The following QKI variants were observed in gnomAD, a reference collection of about 807,000 sequenced individuals.
The protein encoded by QKI is QKI, KH domain containing RNA binding, also known as KH domain-containing RNA-binding protein QKI.
QKI carries 10 observed loss-of-function variants against 39.0 expected under a neutral mutation model. That is an observed-to-expected ratio of 0.26 (90% CI 0.16 to 0.43). QKI has a LOEUF of 0.43. Ranked by LOEUF, QKI falls within the 20% of genes least tolerant of loss-of-function variation. QKI has a pLI of 1.00. For missense variants in QKI, 218 were observed against 428.0 expected (o/e 0.51, Z 4.33); for synonymous variants, 204 against 155.4 (o/e 1.31, Z -2.33).
At chr6:163,533,451 ACAT>A (rs2128240867) in intron 3 of QKI, among the ~76,000 whole-genome samples, 1 of 152,342 alleles carries the variant, frequency 6.6e-6, no homozygotes, top group African/African-American at 2.4e-5. Context: ...GTAAATAACC[ACAT>A]TTTTACTAAT....
Position 163,414,904 on chromosome 6 carries a change from G to GACCCGCCTCCC in QKI, c.-289_-279dup, listed in dbSNP as rs1239495072. On this transcript the variant is annotated 5_prime_UTR_variant, in exon 1 of 8. Coordinates refer to ENST00000361752, the MANE Select transcript of QKI (RefSeq NM_006775.3). ...CCCGCGCCCGCACTCGGCCAGCCGA[G>GACCCGCCTCCC]ACCCGCCTCCCGCCCGCCCGCCGGC... 6.8e-6 allele frequency: 1 copy of GACCCGCCTCCC among 147,028 alleles called. No homozygotes were observed. The highest frequency in any genetic ancestry group is 2.5e-5 in the African/African-American group (1 of 40,734). The allele number at this position is 147,028 out of a possible 1,614,324, so 9.1% of individuals were successfully genotyped here.
chr6:163,422,745 G>A (rs971419907), intron 1 of QKI, among the ~76,000 whole-genome samples: 4 of 152,204 alleles, frequency 2.6e-5, no homozygotes, highest in African/African-American at 7.2e-5. Flanking sequence ...GGCTGGTTAA[G>A]TTCCAGCTGA....
chr6:163,463,314 A>C (rs1190864763), intron 2 of QKI, among the ~76,000 whole-genome samples: 7 of 152,160 alleles, frequency 4.6e-5, no homozygotes, highest in African/African-American at 1.7e-4. Flanking sequence ...GTAACCTCAC[A>C]TGTATTAGAT....
intron 1 of QKI, chr6:163,416,635 T>A (rs890622429): frequency 6.6e-6 from 1 of 152,186 alleles, no homozygotes; most frequent in African/African-American, 2.4e-5. Context: ...AAAAAATGGT[T>A]AAAGAAAAAT....
rs553113538 is a variant in QKI at position 163,492,347 on chromosome 6, G to A, written c.402+13451G>A. Among the ~76,000 whole-genome samples the A allele has an allele frequency of 1.5e-4, 23 of 152,128 alleles. 1 individual carries two copies. The South Asian group carries it at 4.6e-3, about 30-fold the overall frequency. On this transcript the variant is annotated intron_variant, in intron 3 of 7. Coordinates refer to ENST00000361752, the MANE Select transcript of QKI (RefSeq NM_006775.3). ...TCTTTAGATTTTAAAACATGTAATT[G>A]TTAACTCTCGATTTTAAATACCTAT...
intron 3 of QKI, among the ~76,000 whole-genome samples, chr6:163,484,353 C>G (rs1793311197): frequency 6.6e-6 from 1 of 152,104 alleles, no homozygotes; most frequent in African/African-American, 2.4e-5. Context: ...GCATGCACCA[C>G]CACACCCAGC....
chr6:163,565,176 T>G, intron 6 of QKI: 2 of 991,352 alleles, frequency 2.0e-6, no homozygotes, highest in South Asian at 9.2e-5. Flanking sequence ...GCACATTTCT[T>G]GAAGCATTTT....
At chr6:163,507,627 A>C (rs1188800215) in intron 3 of QKI, among the ~76,000 whole-genome samples, 1 of 152,228 alleles carries the variant, frequency 6.6e-6, no homozygotes, top group Non-Finnish European at 1.5e-5. Context: ...TGCAGAGTAG[A>C]CATAAGCATC....
intron 3 of QKI, among the ~76,000 whole-genome samples, chr6:163,484,871 G>A (rs1194514424): frequency 6.6e-6 from 1 of 152,186 alleles, no homozygotes; most frequent in Admixed American, 6.5e-5. Context: ...GTGGCTTGGA[G>A]ACACGAATTG....
intron 1 of QKI, among the ~76,000 whole-genome samples, chr6:163,451,236 A>G (rs1341465782): frequency 6.6e-6 from 1 of 152,226 alleles, no homozygotes; most frequent in Non-Finnish European, 1.5e-5. Context: ...AAGGAAGTAA[A>G]GATATTCTTA....
intron 3 of QKI, among the ~76,000 whole-genome samples, chr6:163,528,920 C>T (rs1239255263): frequency 1.3e-5 from 2 of 152,092 alleles, no homozygotes; most frequent in Admixed American, 6.5e-5. Flanking sequence ...ATGTAATTTG[C>T]CTGTGCTGTC....
intron 3 of QKI, among the ~76,000 whole-genome samples, chr6:163,492,509 A>G (rs1442787914): frequency 6.6e-6 from 1 of 152,174 alleles, no homozygotes; most frequent in African/African-American, 2.4e-5. Context: ...ACGTTTAACT[A>G]TTTTTAAAAA....
chr6:163,578,480 A>G lies in QKI; in HGVS notation c.*7770A>G, dbSNP rs1310169387. 6.6e-6 allele frequency: 1 copy of G among 152,214 alleles called. No homozygotes were observed. The highest frequency in any genetic ancestry group is 2.4e-5 in the African/African-American group (1 of 41,448). 9.4% of individuals were successfully genotyped at this position (152,214 alleles called of 1,614,324 possible). Reference sequence around the variant, plus strand: ...AAAATTAAGACATACTGGTAGTACAAGTTGAAAGTTGGTTTGAATACATTT... The same window carrying G: ...AAAATTAAGACATACTGGTAGTACAGGTTGAAAGTTGGTTTGAATACATTT... On this transcript the variant is annotated 3_prime_UTR_variant, in exon 8 of 8. Coordinates refer to ENST00000361752, the MANE Select transcript of QKI (RefSeq NM_006775.3).
intron 3 of QKI, among the ~76,000 whole-genome samples, chr6:163,481,627 C>T (rs1384288600): frequency 6.6e-6 from 1 of 152,194 alleles, no homozygotes. Context: ...TTATTCTAAG[C>T]TGCTGGTTTT....
intron 1 of QKI, among the ~76,000 whole-genome samples, chr6:163,451,949 C>G (rs1790595106): frequency 6.6e-6 from 1 of 152,148 alleles, no homozygotes; most frequent in Non-Finnish European, 1.5e-5. Context: ...CCCAGAAGCT[C>G]TGATTGCCAC....
At chr6:163,488,246 T>C (rs1777800468) in intron 3 of QKI, among the ~76,000 whole-genome samples, 1 of 152,108 alleles carries the variant, frequency 6.6e-6, no homozygotes, top group South Asian at 2.1e-4. Flanking sequence ...TAGTGTGATA[T>C]GACAGTCTGC....
At position 163,573,511 on chromosome 6, in the gene QKI, ATGT is replaced by A. The variant is rs2128253759; in HGVS notation, c.*2802_*2804del. ...AATGTATTTTTCTATCTTGTTTTAT[ATGT>A]ATGTTATATAACATTCAAAAAGAAT... is the stretch of plus-strand genomic sequence containing the variant. On this transcript the variant is annotated 3_prime_UTR_variant, in exon 8 of 8. Coordinates refer to ENST00000361752, the MANE Select transcript of QKI (RefSeq NM_006775.3). The A allele has an allele frequency of 6.6e-6, 1 of 152,302 alleles. No homozygotes were observed. Among genetic ancestry groups the A allele is most frequent in the African/African-American group, 2.4e-5 (1 of 41,566 alleles). The allele number at this position is 152,302 out of a possible 1,614,324, so 9.4% of individuals were successfully genotyped here.
intron 3 of QKI, among the ~76,000 whole-genome samples, chr6:163,480,328 A>G (rs1792982558): frequency 6.6e-6 from 1 of 151,518 alleles, no homozygotes; most frequent in South Asian, 2.1e-4. Context: ...GGGGCTATCT[A>G]GGAATAGTGC....
chr6:163,569,321 T>C (rs1193647162), intron 7 of QKI: 2 of 1,089,636 alleles, frequency 1.8e-6, no homozygotes, highest in African/African-American at 3.4e-5. Flanking sequence ...GGTAAATCAG[T>C]CCATTATTTT....
Sources: allele counts gnomAD v4.1 joint callset (sites outside exome capture counted in the v4.1 genomes callset), GRCh38; gene constraint gnomAD v4.1.1; transcripts MANE v1.5; gene names NCBI Gene and HGNC (gene_info 2026-07-23, HGNC 2026-07-21).